SNX2: variants seen among roughly 807,000 people sequenced by gnomAD.
SNX2 encodes sorting nexin-2.
SNX2 carries 25 observed loss-of-function variants against 69.9 expected under a neutral mutation model. The ratio of observed to expected loss-of-function variants is 0.36; its 90% confidence interval spans 0.26 to 0.50. The LOEUF (loss-of-function observed/expected upper bound fraction) is 0.50, where lower values mean the gene tolerates loss of function less well. Among genes scored for constraint, SNX2 ranks in the 20% least tolerant of loss-of-function variants. The probability of loss-of-function intolerance (pLI) is 0.97; values close to 1 mark genes in which losing one functional copy is unlikely to be tolerated. For missense variants in SNX2, 551 were observed against 613.3 expected, an observed-to-expected ratio of 0.90 and a Z score of 1.07; for synonymous variants, 229 against 200.4, an observed-to-expected ratio of 1.14 and a Z score of -1.20.
intron 11 of SNX2, among the ~76,000 whole-genome samples, chr5:122,823,980 T>A (rs1047719371): frequency 6.6e-6 from 1 of 152,006 alleles, no homozygotes. Context: ...GGCAGGCAGA[T>A]CATGAGATCA....
chr5:122,793,843 G>T (rs933036019), intron 1 of SNX2, among the ~76,000 whole-genome samples: 2 of 150,488 alleles, frequency 1.3e-5, no homozygotes, highest in Non-Finnish European at 2.9e-5. Context: ...AACCCGGGAA[G>T]CAGAGGTTGC....
chr5:122,823,352 A>AT (rs11367864), intron 11 of SNX2, among the ~76,000 whole-genome samples: 3 of 151,916 alleles, frequency 2.0e-5, no homozygotes, highest in East Asian at 1.9e-4. Flanking sequence ...TTTAAGATTA[A>AT]TTTTTTTTTC....
intron 10 of SNX2, among the ~76,000 whole-genome samples, chr5:122,818,500 T>C (rs1478064413): frequency 1.3e-5 from 2 of 152,166 alleles, no homozygotes; most frequent in Non-Finnish European, 2.9e-5. Context: ...ATATATTTCA[T>C]TTTTAGGAAT....
chr5:122,829,505 T>G, intron 14 of SNX2, 93 bp from the exon 15 acceptor site: 2 of 990,856 alleles, frequency 2.0e-6, no homozygotes, highest in Non-Finnish European at 3.1e-6. Context: ...CAGCCCGGCT[T>G]ATGTAGATTT....
At chr5:122,810,382 A>C (rs1449507686) in intron 7 of SNX2, among the ~76,000 whole-genome samples, 2 of 135,540 alleles carry the variant, frequency 1.5e-5, no homozygotes, top group African/African-American at 5.7e-5. Context: ...TGCGAGAAAC[A>C]CCCAAGAATG....
intron 7 of SNX2, 88 bp downstream of exon 7, chr5:122,808,443 T>A: frequency 1.0e-6 from 1 of 982,690 alleles, no homozygotes; most frequent in South Asian, 1.9e-5. Flanking sequence ...TGTGTTTTAA[T>A]GATTAAATTT....
At chr5:122,809,090 T>A (rs994800142) in intron 7 of SNX2, among the ~76,000 whole-genome samples, 3 of 152,206 alleles carry the variant, frequency 2.0e-5, no homozygotes, top group African/African-American at 7.2e-5. Context: ...ACATCTATAC[T>A]AAACATGTGC....
chr5:122,799,763 G>A lies in SNX2; in HGVS notation c.298G>A (p.Val100Ile), dbSNP rs764906749. The A allele has an allele frequency of 1.2e-6, 2 of 1,613,644 alleles. No homozygotes were observed. The highest frequency in any genetic ancestry group is 1.7e-6 in the Non-Finnish European group (2 of 1,179,740). ...PILSSEPSPA[V>I]TPVTPTTLIA... ...CCTATCCTCGGAACCTTCTCCTGCA[G>A]TCACACCTGTCACTCCTACTACACT... The change falls in exon 3 of 15, where the codon GTC becomes ATC. Residue 100 changes from valine (V) to isoleucine (I), a missense_variant. Val to Ile is a conservative substitution (Grantham distance 29). Transcript: ENST00000379516.
At position 122,830,413 on chromosome 5, in the gene SNX2, A is replaced by G. The variant is rs983050684; in HGVS notation, c.*765A>G. On this transcript the variant is annotated 3_prime_UTR_variant, in exon 15 of 15. Coordinates refer to ENST00000379516, the MANE Select transcript of SNX2 (RefSeq NM_003100.4). ...AGAATTAGGAAAAAAATGTATTTATATACTTTTACAAGTCCCATGGATTTT... is the reference window on the plus strand; with the variant it reads ...AGAATTAGGAAAAAAATGTATTTATGTACTTTTACAAGTCCCATGGATTTT... Among the ~76,000 whole-genome samples, 3 of 152,184 alleles carry G rather than the reference A, an allele frequency of 2.0e-5. No individual in the cohort carries two copies. Among genetic ancestry groups the G allele is most frequent in the Non-Finnish European group, 4.4e-5 (3 of 68,016 alleles).
intron 7 of SNX2, among the ~76,000 whole-genome samples, chr5:122,813,419 T>C (rs1465097832): frequency 1.3e-5 from 2 of 152,152 alleles, no homozygotes; most frequent in Non-Finnish European, 1.5e-5. Context: ...AAAGTTTTAT[T>C]CCCTTTTTCT....
At chr5:122,786,697 A>G (rs1040293100) in intron 1 of SNX2, among the ~76,000 whole-genome samples, 1 of 152,070 alleles carries the variant, frequency 6.6e-6, no homozygotes, top group Non-Finnish European at 1.5e-5. Context: ...ATAAAAAAAA[A>G]AATGGCAAAA....
intron 2 of SNX2, 152 bp from the exon 3 acceptor site, chr5:122,799,540 T>G: frequency 4.0e-6 from 2 of 503,954 alleles, no homozygotes; most frequent in Non-Finnish European, 6.8e-6. Context: ...TAAGGATGCA[T>G]AAAATTCCTT....
At chr5:122,804,280 C>T (rs1753583298) in intron 6 of SNX2, among the ~76,000 whole-genome samples, 1 of 151,966 alleles carries the variant, frequency 6.6e-6, no homozygotes, top group African/African-American at 2.4e-5. Flanking sequence ...GTGTTAGACC[C>T]TCACTAGCCT....
At chr5:122,802,874 GAGA>G (rs1753547751) in intron 5 of SNX2, among the ~76,000 whole-genome samples, 1 of 152,172 alleles carries the variant, frequency 6.6e-6, no homozygotes, top group South Asian at 2.1e-4. Context: ...GGTGAGGAAG[GAGA>G]AGGATGCCTA....
intron 6 of SNX2, 83 bp downstream of exon 6, chr5:122,803,696 C>A: frequency 2.0e-6 from 2 of 1,016,576 alleles, no homozygotes; most frequent in South Asian, 1.8e-5. Flanking sequence ...ATTTCTTAGT[C>A]ATTCACTGTC....
At chr5:122,778,184 T>G (rs1752896445) in intron 1 of SNX2, among the ~76,000 whole-genome samples, 1 of 152,224 alleles carries the variant, frequency 6.6e-6, no homozygotes, top group Admixed American at 6.5e-5. Flanking sequence ...TAGTATTCCA[T>G]CATGCATATA....
chr5:122,779,914 G>T (rs1174062056), intron 1 of SNX2, among the ~76,000 whole-genome samples: 1 of 151,980 alleles, frequency 6.6e-6, no homozygotes, highest in Non-Finnish European at 1.5e-5. Context: ...GCCCCAGTTT[G>T]TGTTGTTTCA....
chr5:122,813,753 T>C (rs1432290717), intron 7 of SNX2, among the ~76,000 whole-genome samples: 1 of 150,592 alleles, frequency 6.6e-6, no homozygotes, highest in Non-Finnish European at 1.5e-5. Context: ...AGGTTTGAAA[T>C]ATTAGAATAT....
Position 122,832,619 on chromosome 5 carries a change from G to A in SNX2, c.*2971G>A, listed in dbSNP as rs961159186. On this transcript the variant is annotated 3_prime_UTR_variant, in exon 15 of 15. Transcript: ENST00000379516. ...TTCAAAAGTAATTGCGTCCTTTGTC[G>A]TTATATAAATTGTTTTATAAATGGC... 4.6e-5 allele frequency: 7 copies of A among 151,970 alleles called. No homozygotes were observed. The highest frequency in any genetic ancestry group is 1.2e-4 in the African/African-American group (5 of 41,440). The allele number at this position is 151,970 out of a possible 1,614,324, so 9.4% of individuals were successfully genotyped here.
Sources: allele counts gnomAD v4.1 joint callset (sites outside exome capture counted in the v4.1 genomes callset), GRCh38; gene constraint gnomAD v4.1.1; transcripts MANE v1.5; gene names NCBI Gene and HGNC (gene_info 2026-07-23, HGNC 2026-07-21).